DACH2: variants seen among roughly 807,000 people sequenced by gnomAD.
DACH2 encodes dachshund homolog 2.
A neutral mutation model predicts 35.8 loss-of-function variants in DACH2; 17 were observed. The ratio of observed to expected loss-of-function variants is 0.48; its 90% CI spans 0.33 to 0.71. The LOEUF (loss-of-function observed/expected upper bound fraction) is 0.71, where lower values mean the gene tolerates loss of function less well. Among genes scored for constraint, DACH2 ranks in the 30% least tolerant of loss-of-function variants. The pLI, the probability that DACH2 is intolerant of heterozygous loss-of-function variation, is 0.02. For missense variants in DACH2, 469 were observed against 472.7 expected (o/e 0.99, Z 0.07); for synonymous variants, 195 against 177.3 (o/e 1.10, Z -0.79).
intron 2 of DACH2, among the ~76,000 whole-genome samples, chrX:86,487,397 A>T (rs754481144): frequency 9.9e-4 from 111 of 111,871 alleles, no homozygotes; most frequent in Non-Finnish European, 1.8e-3. Flanking sequence ...GAACGGTGGT[A>T]GGCTTAAAGA....
chrX:86,405,232 C>G (rs1272776492), intron 2 of DACH2, among the ~76,000 whole-genome samples: 1 of 111,857 alleles, frequency 8.9e-6, no homozygotes, highest in Non-Finnish European at 1.9e-5. Context: ...GCTTGAATTT[C>G]TCCCCAGAAA....
At chrX:86,743,132 A>G (rs1366162722) in intron 7 of DACH2, among the ~76,000 whole-genome samples, 1 of 111,437 alleles carries the variant, frequency 9.0e-6, no homozygotes, top group Non-Finnish European at 1.9e-5. Context: ...TCAATCCTTG[A>G]AAGTTATTTT....
At chrX:86,430,125 C>A (rs2036962579) in intron 2 of DACH2, among the ~76,000 whole-genome samples, 1 of 111,978 alleles carries the variant, frequency 8.9e-6, no homozygotes. Context: ...ATCTGGCATT[C>A]TTAAACTTCT....
chrX:86,492,753 C>T (rs775395568), intron 2 of DACH2, among the ~76,000 whole-genome samples: 11 of 111,736 alleles, frequency 9.8e-5, no homozygotes, highest in Admixed American at 6.7e-4. Context: ...TGGCCTCCGG[C>T]TGCATCCATG....
intron 3 of DACH2, among the ~76,000 whole-genome samples, chrX:86,609,868 C>T (rs1461982838): frequency 5.4e-5 from 6 of 111,532 alleles, no homozygotes; most frequent in Admixed American, 9.5e-5. Flanking sequence ...GTGACAAAAG[C>T]AGCCCTATGG....
intron 4 of DACH2, among the ~76,000 whole-genome samples, chrX:86,667,358 A>AAGGAAGG (rs1569463455): frequency 5.4e-4 from 29 of 53,233 alleles, no homozygotes; most frequent in African/African-American, 1.5e-3. Context: ...AGGAAGGAAG[A>AAGGAAGG]GGAAGGGAAG....
intron 7 of DACH2, among the ~76,000 whole-genome samples, chrX:86,770,882 G>A (rs755440632): frequency 1.8e-5 from 2 of 112,520 alleles, no homozygotes; most frequent in Admixed American, 1.9e-4. Context: ...TTAAGAAAAG[G>A]AATTTATTGA....
chrX:86,552,843 A>T (rs1181825978), intron 3 of DACH2, among the ~76,000 whole-genome samples: 1 of 110,851 alleles, frequency 9.0e-6, no homozygotes, highest in Non-Finnish European at 1.9e-5. Context: ...GGAAGCAAAA[A>T]ATGTTCCCAA....
chrX:86,224,407 A>G lies in DACH2; in HGVS notation c.488+75299A>G, dbSNP rs181908748. ...ATTATCTGATGGTTAACACTGATGC[A>G]TGTGCATATTGTCCCTTATTAATCA... On this transcript the variant is annotated intron_variant, in intron 1 of 11. Coordinates refer to ENST00000373125, the MANE Select transcript of DACH2 (RefSeq NM_053281.3). 8.0e-5 allele frequency among the ~76,000 whole-genome samples: 9 copies of G among 111,833 alleles called. No homozygotes were observed. The East Asian group carries it at 2.2e-3, about 28-fold the overall frequency.
At position 86,151,592 on chromosome X, in the gene DACH2, A is replaced by T. The variant is rs192069743; in HGVS notation, c.488+2484A>T. On this transcript the variant is annotated intron_variant, in intron 1 of 11. Coordinates refer to ENST00000373125, the MANE Select transcript of DACH2 (RefSeq NM_053281.3). ...GAAAAATCTAATTAATTATAAAATG[A>T]TATCAACAAATTTTGCTGATTCGAA... Among the ~76,000 whole-genome samples, 44 of 111,446 alleles carry T rather than the reference A, an allele frequency of 3.9e-4. No homozygotes were observed. The East Asian group carries it at 9.9e-3, about 25-fold the overall frequency.
intron 2 of DACH2, among the ~76,000 whole-genome samples, chrX:86,467,077 A>T (rs2037684014): frequency 8.9e-6 from 1 of 112,215 alleles, no homozygotes; most frequent in African/African-American, 3.2e-5. Context: ...AAATTTCTGC[A>T]GCTGGATTGA....
chrX:86,349,531 C>T (rs1179406239), intron 1 of DACH2, among the ~76,000 whole-genome samples: 3 of 112,326 alleles, frequency 2.7e-5, no homozygotes, highest in African/African-American at 6.5e-5. Flanking sequence ...ATGGAGCCCT[C>T]GCCAGGGACC....
chrX:86,592,723 C>T (rs1274114116), intron 3 of DACH2, among the ~76,000 whole-genome samples: 1 of 111,455 alleles, frequency 9.0e-6, no homozygotes, highest in Non-Finnish European at 1.9e-5. Context: ...AGTTTTTCTC[C>T]TATATTTCTT....
intron 2 of DACH2, among the ~76,000 whole-genome samples, chrX:86,451,654 G>T (rs2037379876): frequency 9.0e-6 from 1 of 111,308 alleles, no homozygotes. Flanking sequence ...GGGCAGTTTG[G>T]CCATTTTCAC....
intron 2 of DACH2, among the ~76,000 whole-genome samples, chrX:86,396,679 G>T (rs1337765499): frequency 9.0e-6 from 1 of 111,092 alleles, no homozygotes; most frequent in Non-Finnish European, 1.9e-5. Context: ...TCTCAGGTTT[G>T]TCAAAGATCA....
chrX:86,436,043 C>G (rs1021082622), intron 2 of DACH2, among the ~76,000 whole-genome samples: 1 of 110,941 alleles, frequency 9.0e-6, no homozygotes, highest in Admixed American at 9.7e-5. Flanking sequence ...TATTTTAGTA[C>G]AAATATCTTC....
intron 4 of DACH2, among the ~76,000 whole-genome samples, chrX:86,659,061 A>C (rs561848293): frequency 9.0e-6 from 1 of 111,363 alleles, no homozygotes; most frequent in African/African-American, 3.2e-5. Flanking sequence ...GAAAATCCCA[A>C]GATTGCCTTC....
chrX:86,609,686 G>C (rs73245370), intron 3 of DACH2, among the ~76,000 whole-genome samples: 1 of 111,929 alleles, frequency 8.9e-6, no homozygotes, highest in Non-Finnish European at 1.9e-5. Flanking sequence ...CTCAAGCCCA[G>C]TAGTGCTGTG....
intron 2 of DACH2, among the ~76,000 whole-genome samples, chrX:86,495,271 G>C (rs1270268664): frequency 2.8e-5 from 3 of 108,690 alleles, no homozygotes; most frequent in African/African-American, 1.0e-4. Context: ...TATTGGCCAG[G>C]CTGGTCTTGA....
Sources: allele counts gnomAD v4.1 joint callset (sites outside exome capture counted in the v4.1 genomes callset), GRCh38; gene constraint gnomAD v4.1.1; transcripts MANE v1.5; gene names NCBI Gene and HGNC (gene_info 2026-07-23, HGNC 2026-07-21).